Variants in MAP3K21 observed in about 807,000 individuals in gnomAD.
The protein encoded by MAP3K21 is mitogen-activated protein kinase kinase kinase MLK4.
In MAP3K21, 63 loss-of-function variants were observed where a neutral mutation model predicts 86.1. The ratio of observed to expected loss-of-function variants is 0.73; its 90% CI spans 0.60 to 0.90. The LOEUF (loss-of-function observed/expected upper bound fraction) is 0.90, where lower values mean the gene tolerates loss of function less well. Among genes scored for constraint, MAP3K21 ranks in the 40% least tolerant of loss-of-function variants. The probability of loss-of-function intolerance (pLI) is 0.00; values close to 1 mark genes in which losing one functional copy is unlikely to be tolerated. For synonymous variants in MAP3K21, 558 were observed against 564.8 expected, an observed-to-expected ratio of 0.99 and a Z score of 0.17; for missense variants, 1,220 against 1,367.7, an observed-to-expected ratio of 0.89 and a Z score of 1.70.
intron 1 of MAP3K21, among the ~76,000 whole-genome samples, chr1:233,330,072 T>C (rs1032803217): frequency 2.6e-5 from 4 of 152,256 alleles, no homozygotes; most frequent in Non-Finnish European, 4.4e-5. Context: ...CTGTGAAACC[T>C]GCTAGGACAG....
In MAP3K21 at chr1:233,328,120, C is replaced by T. The variant is rs774428970; in HGVS notation, c.92C>T (p.Ser31Phe). 3.1e-5 allele frequency: 43 copies of T among 1,407,946 alleles called. No homozygotes were observed. The highest frequency in any genetic ancestry group is 1.8e-4 in the Admixed American group (6 of 33,054). 87.2% of individuals were successfully genotyped at this position (1,407,946 alleles called of 1,614,324 possible). ...GGCTCAGCGTCCTCGTCGTCCACCT[C>T]CTCGGGCGGCTCGGCCTCGGCGGGC... ...PGGSASSSST[S>F]SGGSASAGAG... The change falls in exon 1 of 10, where the codon TCC becomes TTC. Residue 31 changes from serine to phenylalanine, a missense_variant. Coordinates refer to ENST00000366624, the MANE Select transcript of MAP3K21 (RefSeq NM_032435.3). The surrounding 1 kb of genome is among the most constrained non-coding windows in gnomAD (Gnocchi z 8.7).
intron 6 of MAP3K21, among the ~76,000 whole-genome samples, chr1:233,374,552 A>G (rs539965567): frequency 6.6e-5 from 10 of 152,328 alleles, no homozygotes; most frequent in South Asian, 2.1e-4. Flanking sequence ...ATTGAAACAC[A>G]TGTAAGTAAC....
rs190945197 is a variant in MAP3K21 at position 233,383,464 on chromosome 1, A to C, written c.*753A>C. The C allele has an allele frequency of 6.6e-6, 1 of 152,146 alleles. No homozygotes were observed. The highest frequency in any genetic ancestry group is 1.9e-4 in the East Asian group (1 of 5,146). The allele number at this position is 152,146 out of a possible 1,614,324, so 9.4% of individuals were successfully genotyped here. ...AGATGTTCAAAGTTCAGTCCTTGCC[A>C]TTTGACTGAGACCACATGGTGTGCC... On this transcript the variant is annotated 3_prime_UTR_variant, in exon 10 of 10. Coordinates refer to ENST00000366624, the MANE Select transcript of MAP3K21 (RefSeq NM_032435.3).
At position 233,328,004 on chromosome 1, in the gene MAP3K21, C is replaced by T. The variant is rs1572234325; in HGVS notation, c.-25C>T. On this transcript the variant is annotated 5_prime_UTR_variant, in exon 1 of 10. Coordinates refer to ENST00000366624, the MANE Select transcript of MAP3K21 (RefSeq NM_032435.3). The surrounding 1 kb of genome is among the most constrained non-coding windows in gnomAD (Gnocchi z 8.7). The stretch of plus-strand genomic sequence containing the variant: ...GGGAGGCTGAGCCCAGCTTCCCGCT[C>T]CGCCTTCCCCGCGCAGCTGCCCCCA... 1 of 1,251,260 alleles carries T rather than the reference C, an allele frequency of 8.0e-7. No homozygotes were observed. The highest frequency in any genetic ancestry group is 4.3e-5 in the Admixed American group (1 of 23,378). 77.5% of individuals were successfully genotyped at this position (1,251,260 alleles called of 1,614,324 possible).
chr1:233,353,528 A>G (rs1313927453), intron 2 of MAP3K21, among the ~76,000 whole-genome samples: 2 of 152,184 alleles, frequency 1.3e-5, no homozygotes, highest in South Asian at 2.1e-4. Flanking sequence ...GTTTAATTCA[A>G]TTGTGTACTA....
rs866146932 is a variant in MAP3K21 at position 233,354,889 on chromosome 1, C to T, written c.1189C>T (p.Gln397Ter). 2.5e-6 allele frequency: 4 copies of T among 1,613,880 alleles called. No individual in the cohort carries two copies. The highest frequency in any genetic ancestry group is 1.3e-5 in the African/African-American group (1 of 74,910). ...TCCATCGTTTGCCTTAATTCTCGAA[C>T]AGTTGACTGCTATTGAAGGGGCAGT... ...IRPSFALILEQLTAIEGAVMT... is the reference protein window; with the variant it reads ...IRPSFALILE The change falls in exon 4 of 10, where the codon CAG becomes TAG. Residue 397 changes from glutamine (Q) to a stop codon, truncating the protein, a stop_gained. Coordinates refer to ENST00000366624, the MANE Select transcript of MAP3K21 (RefSeq NM_032435.3). LOFTEE classifies it high-confidence loss of function.
intron 4 of MAP3K21, 97 bp from the exon 5 acceptor site, chr1:233,361,956 G>A: frequency 7.0e-7 from 1 of 1,424,984 alleles, no homozygotes. Context: ...GTGCACAGGA[G>A]GAGCCCGTGG....
intron 2 of MAP3K21, among the ~76,000 whole-genome samples, chr1:233,350,310 T>C (rs1663226607): frequency 6.6e-6 from 1 of 152,102 alleles, no homozygotes; most frequent in Non-Finnish European, 1.5e-5. Context: ...GAGCTGACTG[T>C]ATTATTAAAA....
At chr1:233,336,280 C>T (rs1404267922) in intron 1 of MAP3K21, among the ~76,000 whole-genome samples, 1 of 152,132 alleles carries the variant, frequency 6.6e-6, no homozygotes, top group Non-Finnish European at 1.5e-5. Flanking sequence ...GTGGCTCACA[C>T]CTGTAATTCC....
At position 233,379,685 on chromosome 1, in the gene MAP3K21, C is replaced by T; in HGVS notation, c.2679C>T (p.Thr893=). Residue 893 remains threonine, a synonymous_variant, in exon 9 of 10, where the codon ACC becomes ACT. Coordinates refer to ENST00000366624, the MANE Select transcript of MAP3K21 (RefSeq NM_032435.3). ...SKHRPSHHRR[T]MSDGNPTPTG... is the part of the protein sequence containing the mutation. ...ATAGACCGTCACATCACAGACGGAC[C>T]ATGTCTGATGGAAATCCGACCCCAA... 6.2e-7 allele frequency: 1 copy of T among 1,611,724 alleles called. No individual in the cohort carries two copies. The highest frequency in any genetic ancestry group is 1.7e-4 in the Middle Eastern group (1 of 6,058).
chr1:233,352,908 A>G (rs1237952786), intron 2 of MAP3K21, among the ~76,000 whole-genome samples: 2 of 152,246 alleles, frequency 1.3e-5, no homozygotes, highest in East Asian at 3.8e-4. Context: ...TGGATAGCAG[A>G]AGAGAATAAA....
At chr1:233,352,020 C>T (rs904233680) in intron 2 of MAP3K21, among the ~76,000 whole-genome samples, 1 of 152,122 alleles carries the variant, frequency 6.6e-6, no homozygotes, top group Non-Finnish European at 1.5e-5. Context: ...TTCTGAGTAG[C>T]TGGGACTATA....
chr1:233,375,689 C>T, intron 6 of MAP3K21: 1 of 503,614 alleles, frequency 2.0e-6, no homozygotes, highest in Non-Finnish European at 3.5e-6. Context: ...TGCTAATTTA[C>T]CTCGAATTTG....
intron 2 of MAP3K21, among the ~76,000 whole-genome samples, chr1:233,353,145 A>G (rs1033194933): frequency 6.7e-6 from 1 of 150,044 alleles, no homozygotes; most frequent in Non-Finnish European, 1.5e-5. Context: ...GTTGTGCCTT[A>G]TTTTTTATTC....
intron 4 of MAP3K21, 24 bp from the exon 5 acceptor site, chr1:233,362,029 G>A (rs767186437): frequency 6.2e-7 from 1 of 1,606,140 alleles, no homozygotes. Flanking sequence ...GAATGATTCC[G>A]GTGGGTGTGA....
At chr1:233,375,735 G>A (rs1558463338) in intron 6 of MAP3K21, 181 bp from the exon 7 acceptor site, 2 of 535,608 alleles carry the variant, frequency 3.7e-6, no homozygotes, top group South Asian at 3.0e-5. Flanking sequence ...TTTTCTTGAT[G>A]TTTTTATGAT....
Position 233,379,202 on chromosome 1 carries a change from G to A in MAP3K21, c.2196G>A (p.Ser732=), listed in dbSNP as rs200208070. The change falls in exon 9 of 10, where the codon TCG becomes TCA. Residue 732 remains serine (S), a synonymous_variant. Coordinates refer to ENST00000366624, the MANE Select transcript of MAP3K21 (RefSeq NM_032435.3). Reference sequence around the variant, plus strand: ...ATGGGTGCACCGTCCTTCTGGCATCGGTGGCTCTGGGACTGGACCTCAGAG... The same window carrying A: ...ATGGGTGCACCGTCCTTCTGGCATCAGTGGCTCTGGGACTGGACCTCAGAG... ...ALYGCTVLLA[S]VALGLDLREL... 82 of 1,614,166 alleles carry A rather than the reference G, an allele frequency of 5.1e-5. No individual in the cohort carries two copies. Among genetic ancestry groups the A allele is most frequent in the African/African-American group, 4.3e-4 (32 of 75,050 alleles).
At chr1:233,351,769 TA>T (rs1477586888) in intron 2 of MAP3K21, among the ~76,000 whole-genome samples, 5 of 152,132 alleles carry the variant, frequency 3.3e-5, no homozygotes, top group African/African-American at 1.2e-4. Flanking sequence ...TTTCACATTT[TA>T]AAAAAAGTTA....
intron 1 of MAP3K21, among the ~76,000 whole-genome samples, chr1:233,338,758 C>T (rs1176000974): frequency 6.6e-6 from 1 of 152,180 alleles, no homozygotes; most frequent in Non-Finnish European, 1.5e-5. Context: ...GGGGGCCCTA[C>T]AGGGTCTTTG....
Sources: gnomAD v4.1 joint callset for allele counts (sites outside exome capture counted in the v4.1 genomes callset) on GRCh38, gnomAD v4.1.1 for gene constraint, Gnocchi (gnomAD v3.1) non-coding constraint, MANE v1.5 for transcripts, NCBI Gene and HGNC (gene_info 2026-07-23, HGNC 2026-07-21) for gene names.